ARSG: variants seen among roughly 807,000 people sequenced by gnomAD.
ARSG encodes the protein arylsulfatase G.
In ARSG, 37 loss-of-function variants were observed where a neutral mutation model predicts 50.5. That is an observed-to-expected ratio of 0.73 (90% CI 0.56 to 0.96). ARSG has a LOEUF of 0.96. ARSG is among the 50% of genes least tolerant of loss of function. ARSG has a pLI of 0.00. For synonymous variants in ARSG, 225 were observed against 254.6 expected (o/e 0.88, Z 1.11); for missense variants, 629 against 675.3 (o/e 0.93, Z 0.76).
At chr17:68,374,862 AAAG>A (rs1393332455) in intron 8 of ARSG, among the ~76,000 whole-genome samples, 2 of 151,540 alleles carry the variant, frequency 1.3e-5, no homozygotes, top group Admixed American at 6.6e-5. Flanking sequence ...AAAAAAAAAA[AAAG>A]AAAAGAGAAA....
intron 11 of ARSG, among the ~76,000 whole-genome samples, chr17:68,416,308 T>A (rs1239915205): frequency 6.6e-6 from 1 of 152,198 alleles, no homozygotes; most frequent in Non-Finnish European, 1.5e-5. Flanking sequence ...AATTCTTGGC[T>A]GATAATTGTT....
At chr17:68,302,661 T>G (rs2076462200) in intron 1 of ARSG, among the ~76,000 whole-genome samples, 1 of 152,204 alleles carries the variant, frequency 6.6e-6, no homozygotes, top group Non-Finnish European at 1.5e-5. Flanking sequence ...GAGGTCAAAC[T>G]TGAGCACACT....
At chr17:68,447,588 G>A in the ARSG span, among the ~76,000 whole-genome samples, 35 of 151,976 alleles carry the variant, frequency 2.3e-4, no homozygotes, top group Middle Eastern at 3.4e-3. Context: ...ACTAGGTCTC[G>A]TTACATTGCC....
intron 3 of ARSG, among the ~76,000 whole-genome samples, chr17:68,345,315 G>A (rs934424556): frequency 2.0e-5 from 3 of 152,162 alleles, no homozygotes. Context: ...CTACAAATAA[G>A]TAAATAAATA....
chr17:68,353,345 C>G (rs905141055), intron 5 of ARSG, among the ~76,000 whole-genome samples: 1 of 152,074 alleles, frequency 6.6e-6, no homozygotes. Context: ...CTTTGCTACT[C>G]ATAGCATAGT....
Position 68,367,320 on chromosome 17 carries a change from T to C in ARSG, c.705-1228T>C, listed in dbSNP as rs999401047. ...GTGCAGGGGGGATTTGAGGGCACAG[T>C]TGGCTATAGAGCAAGGCTGTAAGGT... On this transcript the variant is annotated intron_variant, in intron 6 of 11. Transcript: ENST00000621439. The surrounding 1 kb of genome is among the most constrained non-coding windows in gnomAD (Gnocchi z 4.5). 6.6e-6 allele frequency among the ~76,000 whole-genome samples: 1 copy of C among 152,142 alleles called. No individual in the cohort carries two copies. Among genetic ancestry groups the C allele is most frequent in the Non-Finnish European group, 1.5e-5 (1 of 68,028 alleles).
At chr17:68,316,769 T>C (rs1487409257) in intron 2 of ARSG, among the ~76,000 whole-genome samples, 1 of 152,180 alleles carries the variant, frequency 6.6e-6, no homozygotes, top group Non-Finnish European at 1.5e-5. Flanking sequence ...CTAGCTCTTA[T>C]GATTCCCTAT....
chr17:68,271,424 T>G lies in ARSG; in HGVS notation c.-552+11998T>G. The G allele has an allele frequency of 2.5e-6, 4 of 1,614,154 alleles. No homozygotes were observed. The highest frequency in any genetic ancestry group is 3.4e-6 in the Non-Finnish European group (4 of 1,180,036). On this transcript the variant is annotated intron_variant, in intron 1 of 11. Coordinates refer to the ARSG transcript ENST00000448504. This position sits in a 1 kb window ranked among gnomAD's most constrained non-coding sequence, Gnocchi z 5.3. ...TGAGTAGGCACATTTTTAGGTGAGGTAGTTAGTTCTACTCCTGAGTCAATG... is the reference window on the plus strand; with the variant it reads ...TGAGTAGGCACATTTTTAGGTGAGGGAGTTAGTTCTACTCCTGAGTCAATG...
intron 9 of ARSG, among the ~76,000 whole-genome samples, chr17:68,393,621 C>G (rs2081097148): frequency 6.6e-6 from 1 of 152,110 alleles, no homozygotes; most frequent in Non-Finnish European, 1.5e-5. Flanking sequence ...AATCTCAGCA[C>G]TTTGGGAGGC....
At chr17:68,273,930 A>C in intron 1 of ARSG, 1 of 1,614,102 alleles carries the variant, frequency 6.2e-7, no homozygotes, top group Non-Finnish European at 8.5e-7. Context: ...CACTTACCAG[A>C]GATGATGCCG....
chr17:68,444,363 G>A, the ARSG span: 9 of 779,848 alleles, frequency 1.2e-5, no homozygotes, highest in African/African-American at 1.8e-5. Flanking sequence ...ACAAAGCTTC[G>A]AGATAAACCT....
At chr17:68,277,831 G>A (rs532435848) in intron 1 of ARSG, among the ~76,000 whole-genome samples, 22 of 152,328 alleles carry the variant, frequency 1.4e-4, no homozygotes, top group Admixed American at 4.6e-4. Flanking sequence ...TCCTAAGAGT[G>A]TGCAGACAGC....
At chr17:68,273,908 G>T (rs182189710) in intron 1 of ARSG, 2 of 1,612,214 alleles carry the variant, frequency 1.2e-6, no homozygotes, top group East Asian at 2.2e-5. Flanking sequence ...CAACTTCTGA[G>T]CCAAAGAGGA....
chr17:68,288,472 G>C (rs73998073), upstream of ARSG, among the ~76,000 whole-genome samples: 2,228 of 152,216 alleles, frequency 0.015, 50 homozygotes, highest in African/African-American at 0.051. Flanking sequence ...TTTATCTGAC[G>C]GGTAGGGATA....
intron 11 of ARSG, among the ~76,000 whole-genome samples, chr17:68,416,079 G>A (rs532942103): frequency 6.6e-6 from 1 of 151,980 alleles, no homozygotes; most frequent in Admixed American, 6.6e-5. Context: ...CATGTGCCTT[G>A]GTTTTTTTGT....
At chr17:68,267,625 C>T (rs1319946002) in intron 1 of ARSG, 1 of 152,124 alleles carries the variant, frequency 6.6e-6, no homozygotes, top group Admixed American at 6.6e-5. Flanking sequence ...AAGCATTGAC[C>T]ATCACCTGCA....
chr17:68,292,130 C>T (rs2076026914), intron 1 of ARSG, among the ~76,000 whole-genome samples: 1 of 152,092 alleles, frequency 6.6e-6, no homozygotes, highest in Admixed American at 6.5e-5. Context: ...TGCCTTGCTT[C>T]CCCCACTTTG....
In ARSG at chr17:68,295,984, A is replaced by AT. The variant is rs2076193018; in HGVS notation, c.-552+4416_-552+4417insT. Among the ~76,000 whole-genome samples, 3 of 152,100 alleles carry AT rather than the reference A, an allele frequency of 2.0e-5. No homozygotes were observed. In the South Asian group the frequency reaches 6.2e-4, roughly 32 times the overall value. ...CATGAGCCACTGCTCCGGCCTAAAA[A>AT]ATATATATTTTTAAAAAATTAGCTG... is the stretch of plus-strand genomic sequence containing the variant. On this transcript the variant is annotated intron_variant, in intron 1 of 11. Coordinates refer to ENST00000621439, the MANE Select transcript of ARSG (RefSeq NM_001267727.2).
chr17:68,331,535 C>T (rs753361744), intron 2 of ARSG, among the ~76,000 whole-genome samples: 24 of 152,028 alleles, frequency 1.6e-4, no homozygotes, highest in Non-Finnish European at 2.8e-4. Flanking sequence ...TGAGCCACTG[C>T]GCCTGGTGCA....
Sources: allele counts gnomAD v4.1 joint callset (sites outside exome capture counted in the v4.1 genomes callset), GRCh38; gene constraint gnomAD v4.1.1; non-coding constraint Gnocchi (gnomAD v3.1); transcripts MANE v1.5; gene names NCBI Gene and HGNC (gene_info 2026-07-23, HGNC 2026-07-21).